Variants in PAM observed in about 807,000 individuals in gnomAD.
PAM encodes peptidyl-glycine alpha-amidating monooxygenase.
Under a neutral mutation model 122.1 loss-of-function variants are expected in PAM, and 72 were observed. That is an observed-to-expected ratio of 0.59 (90% CI 0.49 to 0.72). The LOEUF is 0.72. PAM is among the 30% of genes least tolerant of loss of function. PAM has a pLI of 0.00. For missense variants in PAM, 1,106 were observed against 1,183.7 expected (o/e 0.93, Z 0.96); for synonymous variants, 389 against 404.4 (o/e 0.96, Z 0.46).
chr5:102,888,792 C>A (rs943874414), intron 3 of PAM, among the ~76,000 whole-genome samples: 3 of 151,516 alleles, frequency 2.0e-5, no homozygotes, highest in Admixed American at 2.0e-4. Context: ...CTTTTGTTTC[C>A]TTTTTTTTCT....
chr5:102,802,864 C>A (rs553145854), intron 1 of PAM, among the ~76,000 whole-genome samples: 4 of 152,200 alleles, frequency 2.6e-5, no homozygotes, highest in African/African-American at 7.2e-5. Flanking sequence ...TGAGGTAGTA[C>A]TATTGTTCTT....
At chr5:102,986,849 G>A (rs1052765876) in intron 15 of PAM, among the ~76,000 whole-genome samples, 2 of 152,066 alleles carry the variant, frequency 1.3e-5, no homozygotes, top group Admixed American at 6.6e-5. Context: ...TGCTTGGCTT[G>A]CATTCTCTCT....
Position 102,974,176 on chromosome 5 carries a change from A to G in PAM, c.1223A>G (p.His408Arg), listed in dbSNP as rs149734778. ...LGEREDVVHV[H>R]KYNPTEKAES... ...GAAAGGGAAGATGTTGTTCATGTGC[A>G]CAAATATAATCCTACAGAAAAGGCA... is the stretch of plus-strand genomic sequence containing the variant. Residue 408 changes from histidine to arginine, a missense_variant, in exon 15 of 26, where the codon CAC (histidine) becomes CGC (arginine). By Grantham distance (29) the His-to-Arg change is conservative. Coordinates refer to ENST00000438793, the MANE Select transcript of PAM (RefSeq NM_001177306.2). 3.1e-6 allele frequency: 5 copies of G among 1,613,782 alleles called. No individual in the cohort carries two copies. Among genetic ancestry groups the G allele is most frequent in the Non-Finnish European group, 4.2e-6 (5 of 1,179,826 alleles).
intron 24 of PAM, among the ~76,000 whole-genome samples, chr5:103,027,045 A>C (rs923693521): frequency 6.6e-6 from 1 of 152,234 alleles, no homozygotes; most frequent in African/African-American, 2.4e-5. Context: ...TGTTTTACTT[A>C]GAAAAATTGC....
intron 1 of PAM, among the ~76,000 whole-genome samples, chr5:102,813,603 C>T (rs535314379): frequency 6.6e-6 from 1 of 152,082 alleles, no homozygotes; most frequent in South Asian, 2.1e-4. Flanking sequence ...TAAATGAGGG[C>T]GAAACTTGCA....
chr5:102,946,167 C>A (rs1296147767), intron 7 of PAM, among the ~76,000 whole-genome samples: 1 of 152,058 alleles, frequency 6.6e-6, no homozygotes, highest in African/African-American at 2.4e-5. Flanking sequence ...ATCAAAACTG[C>A]CACCTGCTAT....
At chr5:102,760,969 A>C (rs1752164856) in intron 1 of PAM, among the ~76,000 whole-genome samples, 1 of 152,236 alleles carries the variant, frequency 6.6e-6, no homozygotes. Flanking sequence ...ATCTGTGCCC[A>C]AAGGAGATTG....
intron 1 of PAM, among the ~76,000 whole-genome samples, chr5:102,813,001 G>T (rs1238776688): frequency 6.6e-6 from 1 of 150,930 alleles, no homozygotes; most frequent in African/African-American, 2.4e-5. Flanking sequence ...AAAGTATACA[G>T]AATATTCAAT....
chr5:102,940,155 C>T (rs866635243), intron 7 of PAM, among the ~76,000 whole-genome samples: 4 of 146,026 alleles, frequency 2.7e-5, no homozygotes, highest in African/African-American at 5.4e-5. Context: ...CACACATACA[C>T]ACACACACAT....
chr5:102,894,388 T>C (rs1424135816), intron 3 of PAM, among the ~76,000 whole-genome samples: 3 of 151,662 alleles, frequency 2.0e-5, no homozygotes, highest in Non-Finnish European at 4.4e-5. Flanking sequence ...AACTACCCTC[T>C]CCTTAAAACT....
chr5:103,026,112 T>A (rs1784879168), intron 24 of PAM, among the ~76,000 whole-genome samples: 1 of 152,226 alleles, frequency 6.6e-6, no homozygotes, highest in Admixed American at 6.5e-5. Context: ...GTTAGTATTT[T>A]ATGAAATCAT....
intron 16 of PAM, among the ~76,000 whole-genome samples, chr5:103,002,050 C>A (rs1475901721): frequency 6.6e-6 from 1 of 151,614 alleles, no homozygotes; most frequent in East Asian, 1.9e-4. Flanking sequence ...ACACACACCC[C>A]CCTCAACTAT....
chr5:102,982,332 T>TA (rs1166802560), intron 15 of PAM, among the ~76,000 whole-genome samples: 1 of 152,132 alleles, frequency 6.6e-6, no homozygotes, highest in Non-Finnish European at 1.5e-5. Flanking sequence ...TCAGTGCTGA[T>TA]ACTGCCTTTA....
At chr5:102,862,285 A>G (rs1323381010) in intron 1 of PAM, among the ~76,000 whole-genome samples, 1 of 149,254 alleles carries the variant, frequency 6.7e-6, no homozygotes, top group East Asian at 2.0e-4. Context: ...TTTTTTTTCC[A>G]CAAATCTCCT....
chr5:102,830,121 G>T (rs1774995559), intron 1 of PAM, among the ~76,000 whole-genome samples: 1 of 152,168 alleles, frequency 6.6e-6, no homozygotes, highest in African/African-American at 2.4e-5. Flanking sequence ...ACAACTGGTT[G>T]CATGGCTGGC....
Position 103,020,821 on chromosome 5 carries a change from T to G in PAM, c.2485+978T>G, listed in dbSNP as rs1356490036. Reference sequence around the variant, plus strand: ...AGTTTAAGGATTTTATGCAGACAGATAAGAAAATATAGCCAGCTCAAGGGG... The same window carrying G: ...AGTTTAAGGATTTTATGCAGACAGAGAAGAAAATATAGCCAGCTCAAGGGG... On this transcript the variant is annotated intron_variant, in intron 23 of 25. Transcript: ENST00000438793. Among the ~76,000 whole-genome samples the G allele has an allele frequency of 2.0e-5, 3 of 152,068 alleles. No homozygotes were observed. In the East Asian group the frequency reaches 5.8e-4, roughly 29 times the overall value.
rs962908823 is a variant in PAM, at chr5:103,027,983, C to T, written c.2690-202C>T. ...AAGACTGCACAGCCAGTAAGAGACA[C>T]GGGCAGGAGTCAAACCCAGCTTGGG... On this transcript the variant is annotated intron_variant, in intron 24 of 25. Coordinates refer to ENST00000438793, the MANE Select transcript of PAM (RefSeq NM_001177306.2). 2.5e-4 allele frequency among the ~76,000 whole-genome samples: 38 copies of T among 152,110 alleles called. 1 individual carries two copies. Among genetic ancestry groups the T allele is most frequent in the Admixed American group, 2.2e-3 (34 of 15,256 alleles).
At chr5:102,876,125 A>G (rs1789122124) in intron 3 of PAM, among the ~76,000 whole-genome samples, 1 of 152,140 alleles carries the variant, frequency 6.6e-6, no homozygotes, top group Admixed American at 6.5e-5. Flanking sequence ...TCTCGGCCAA[A>G]TACACTAGAG....
intron 9 of PAM, 84 bp downstream of exon 9, chr5:102,948,529 T>C (rs1026888470): frequency 2.9e-5 from 20 of 684,548 alleles, no homozygotes; most frequent in Non-Finnish European, 4.4e-5. Context: ...TTATAAACTT[T>C]AAAAATAATC....
Sources: gnomAD v4.1 joint callset for allele counts (sites outside exome capture counted in the v4.1 genomes callset) on GRCh38, gnomAD v4.1.1 for gene constraint, MANE v1.5 for transcripts, NCBI Gene and HGNC (gene_info 2026-07-23, HGNC 2026-07-21) for gene names.